The following HMGCLL1 variants were observed in gnomAD, a reference collection of about 807,000 sequenced individuals.
HMGCLL1 encodes 3-hydroxymethyl-3-methylglutaryl-CoA lyase, cytoplasmic.
HMGCLL1 carries 36 observed loss-of-function variants against 39.1 expected under a neutral mutation model. That is an observed-to-expected ratio of 0.92 (90% CI 0.71 to 1.22). HMGCLL1 has a LOEUF of 1.22. HMGCLL1 is among the 50% of genes most tolerant of loss of function. The pLI is 0.00. For synonymous variants in HMGCLL1, 149 were observed against 144.0 expected (o/e 1.03, Z -0.25); for missense variants, 451 against 416.5 (o/e 1.08, Z -0.72).
At chr6:55,676,563 C>A in the HMGCLL1 span, among the ~76,000 whole-genome samples, 1 of 152,170 alleles carries the variant, frequency 6.6e-6, no homozygotes, top group Non-Finnish European at 1.5e-5. Flanking sequence ...ATTCCTCCCA[C>A]TTATTACACA....
chr6:55,617,047 A>T, the HMGCLL1 span, among the ~76,000 whole-genome samples: 2 of 152,188 alleles, frequency 1.3e-5, no homozygotes, highest in South Asian at 4.1e-4. Context: ...TTTCTTTCCA[A>T]CTTTTACTTT....
At chr6:55,544,794 A>C (rs1769865318) in intron 1 of HMGCLL1, among the ~76,000 whole-genome samples, 1 of 152,092 alleles carries the variant, frequency 6.6e-6, no homozygotes. Context: ...TTCAATAAGC[A>C]AAAAAAGCAA....
chr6:55,590,194 C>T, the HMGCLL1 span, among the ~76,000 whole-genome samples: 1 of 152,002 alleles, frequency 6.6e-6, no homozygotes, highest in Admixed American at 6.6e-5. Context: ...GGTACTGTTA[C>T]TAAAACAGAG....
intron 3 of HMGCLL1, among the ~76,000 whole-genome samples, chr6:55,535,694 G>C (rs1561943543): frequency 6.6e-6 from 1 of 152,092 alleles, no homozygotes; most frequent in Non-Finnish European, 1.5e-5. Flanking sequence ...TGTGATCTTG[G>C]TAAATTTCAC....
the HMGCLL1 span, among the ~76,000 whole-genome samples, chr6:55,675,313 G>A: frequency 6.6e-6 from 1 of 152,074 alleles, no homozygotes; most frequent in Admixed American, 6.6e-5. Context: ...TCTGAGTGGT[G>A]TTTCACCTAA....
At chr6:55,528,455 A>G (rs1197235120) in intron 3 of HMGCLL1, among the ~76,000 whole-genome samples, 1 of 152,086 alleles carries the variant, frequency 6.6e-6, no homozygotes, top group Non-Finnish European at 1.5e-5. Flanking sequence ...GTAGCCAGTT[A>G]TGAATAGCAC....
At chr6:55,651,136 G>A in the HMGCLL1 span, among the ~76,000 whole-genome samples, 1 of 152,066 alleles carries the variant, frequency 6.6e-6, no homozygotes, top group Admixed American at 6.6e-5. Flanking sequence ...CACCACACCT[G>A]CAAATGTGCT....
chr6:55,544,484 T>G, intron 1 of HMGCLL1, among the ~76,000 whole-genome samples: 1 of 152,154 alleles, frequency 6.6e-6, no homozygotes, highest in East Asian at 1.9e-4. Flanking sequence ...ACAGAACCTG[T>G]ACTTCAAAAG....
chr6:55,600,846 T>C, the HMGCLL1 span, among the ~76,000 whole-genome samples: 1 of 152,134 alleles, frequency 6.6e-6, no homozygotes, highest in Non-Finnish European at 1.5e-5. Flanking sequence ...GATTTAACTA[T>C]TGTAGAAGCT....
chr6:55,439,765 T>C, intron 7 of HMGCLL1: 1 of 435,224 alleles, frequency 2.3e-6, no homozygotes, highest in East Asian at 3.4e-5. Context: ...ACAGAAATTC[T>C]GCTAAGGCTC....
intron 1 of HMGCLL1, chr6:55,563,909 A>G (rs893724725): frequency 1.6e-6 from 2 of 1,287,130 alleles, no homozygotes; most frequent in East Asian, 5.5e-5. Flanking sequence ...TCACAGACTG[A>G]AGCTCCTTTG....
At chr6:55,621,211 G>T in the HMGCLL1 span, among the ~76,000 whole-genome samples, 1 of 152,010 alleles carries the variant, frequency 6.6e-6, no homozygotes, top group Non-Finnish European at 1.5e-5. Context: ...GATGGCCTTG[G>T]GTATTATGGA....
chr6:55,662,329 T>C, the HMGCLL1 span, among the ~76,000 whole-genome samples: 1 of 151,788 alleles, frequency 6.6e-6, no homozygotes, highest in Non-Finnish European at 1.5e-5. Context: ...GGTTTTTTCA[T>C]TGATGGCTCA....
At chr6:55,566,668 G>A in intron 1 of HMGCLL1, 1 of 454,758 alleles carries the variant, frequency 2.2e-6, no homozygotes, top group Non-Finnish European at 4.4e-6. Context: ...ATTGTGCACT[G>A]TGTGAATTAA....
At chr6:55,574,766 T>C (rs569244323) in intron 1 of HMGCLL1, among the ~76,000 whole-genome samples, 2 of 152,074 alleles carry the variant, frequency 1.3e-5, no homozygotes, top group Non-Finnish European at 2.9e-5. Context: ...TAAAGATACA[T>C]TATCATCTTA....
the HMGCLL1 span, among the ~76,000 whole-genome samples, chr6:55,646,726 T>G: frequency 2.0e-4 from 31 of 152,056 alleles, no homozygotes; most frequent in Admixed American, 7.9e-4. Context: ...GTTATTGATT[T>G]GTAGATTTAT....
chr6:55,450,328 C>T (rs1192183514), intron 7 of HMGCLL1, among the ~76,000 whole-genome samples: 2 of 152,192 alleles, frequency 1.3e-5, no homozygotes, highest in South Asian at 2.1e-4. Context: ...TCAAAACAAA[C>T]GAAGAGCATA....
chr6:55,601,928 T>C, the HMGCLL1 span, among the ~76,000 whole-genome samples: 1 of 152,256 alleles, frequency 6.6e-6, no homozygotes, highest in South Asian at 2.1e-4. Flanking sequence ...CGCACTTGTT[T>C]TCAGTCTAAA....
intron 6 of HMGCLL1, among the ~76,000 whole-genome samples, chr6:55,496,828 C>T (rs898649006): frequency 6.6e-6 from 1 of 152,090 alleles, no homozygotes; most frequent in Non-Finnish European, 1.5e-5. Context: ...TGGTGGGTTA[C>T]ATTATCTAAA....
Sources: gnomAD v4.1 joint callset for allele counts (sites outside exome capture counted in the v4.1 genomes callset) on GRCh38, gnomAD v4.1.1 for gene constraint, MANE v1.5 for transcripts, NCBI Gene and HGNC (gene_info 2026-07-23, HGNC 2026-07-21) for gene names.